Variants in NKAIN3 observed in about 807,000 individuals in gnomAD.
The protein encoded by NKAIN3 is sodium/potassium-transporting ATPase subunit beta-1-interacting protein 3.
Under a neutral mutation model 30.2 loss-of-function variants are expected in NKAIN3, and 25 were observed. The ratio of observed to expected loss-of-function variants is 0.83; its 90% CI spans 0.60 to 1.16. The LOEUF (loss-of-function observed/expected upper bound fraction) is 1.16. Among genes scored for constraint, NKAIN3 ranks in the 50% most tolerant of loss-of-function variants. The probability of loss-of-function intolerance (pLI) is 0.00; values close to 1 mark genes in which losing one functional copy is unlikely to be tolerated. For synonymous variants in NKAIN3, 91 were observed against 89.6 expected (o/e 1.02, Z -0.09); for missense variants, 225 against 254.1 (o/e 0.89, Z 0.78).
At chr8:62,294,192 C>T (rs567439298) in intron 1 of NKAIN3, among the ~76,000 whole-genome samples, 8 of 152,258 alleles carry the variant, frequency 5.3e-5, no homozygotes, top group East Asian at 1.9e-4. Flanking sequence ...CTGGGTGAAG[C>T]GTTGCTCTGC....
At chr8:62,360,434 A>T (rs1338464894) in intron 1 of NKAIN3, among the ~76,000 whole-genome samples, 1 of 152,238 alleles carries the variant, frequency 6.6e-6, no homozygotes, top group Non-Finnish European at 1.5e-5. Flanking sequence ...ACAAGCAAGG[A>T]TCTTCACTGT....
At chr8:62,661,585 T>A (rs2130361168) in intron 3 of NKAIN3, among the ~76,000 whole-genome samples, 1 of 152,236 alleles carries the variant, frequency 6.6e-6, no homozygotes, top group East Asian at 1.9e-4. Context: ...AGAGTTTCAC[T>A]CTAACAGACC....
Position 62,976,113 on chromosome 8 carries a change from G to A in NKAIN3, c.*10706G>A, listed in dbSNP as rs116670460. The stretch of plus-strand genomic sequence containing the variant: ...GTGTTTTACTTCCAGTTATGTGGTC[G>A]ATTTTAGGAAAATGTGCTATGTGAT... On this transcript the variant is annotated 3_prime_UTR_variant, in exon 7 of 7. Transcript: ENST00000623646. Among the ~76,000 whole-genome samples the A allele has an allele frequency of 3.7e-3, 564 of 152,188 alleles. 3 individuals carry two copies. Among genetic ancestry groups the A allele is most frequent in the African/African-American group, 0.013 (520 of 41,542 alleles).
At chr8:62,568,645 T>G (rs1020589107) in intron 1 of NKAIN3, among the ~76,000 whole-genome samples, 1 of 152,188 alleles carries the variant, frequency 6.6e-6, no homozygotes, top group Admixed American at 6.6e-5. Context: ...AAACTTTCCT[T>G]AAGATGTGAT....
chr8:62,659,126 T>C (rs1360059976), intron 3 of NKAIN3, among the ~76,000 whole-genome samples: 2 of 152,284 alleles, frequency 1.3e-5, no homozygotes, highest in African/African-American at 4.8e-5. Context: ...TATGCCAAGG[T>C]CACAAAGTTA....
chr8:62,433,390 A>G (rs1008524149), intron 1 of NKAIN3, among the ~76,000 whole-genome samples: 2 of 152,186 alleles, frequency 1.3e-5, no homozygotes, highest in African/African-American at 4.8e-5. Context: ...TACAGATATT[A>G]GTAAAATAAA....
intron 1 of NKAIN3, among the ~76,000 whole-genome samples, chr8:62,488,267 G>T (rs1196414021): frequency 1.3e-5 from 2 of 151,876 alleles, no homozygotes; most frequent in Non-Finnish European, 2.9e-5. Context: ...AACATCCCAG[G>T]CTCTGCTTTA....
chr8:62,800,106 G>T (rs555317733), intron 4 of NKAIN3, among the ~76,000 whole-genome samples: 26 of 152,254 alleles, frequency 1.7e-4, no homozygotes, highest in South Asian at 2.1e-4. Flanking sequence ...AGTGTATACT[G>T]TTTGGGTGAT....
At chr8:62,697,906 A>G (rs1009234632) in intron 3 of NKAIN3, among the ~76,000 whole-genome samples, 1 of 152,206 alleles carries the variant, frequency 6.6e-6, no homozygotes, top group African/African-American at 2.4e-5. Context: ...TTGAAAGACA[A>G]CTGAAAATAA....
At chr8:62,416,381 CA>C (rs1804445589) in intron 1 of NKAIN3, among the ~76,000 whole-genome samples, 1 of 152,096 alleles carries the variant, frequency 6.6e-6, no homozygotes, top group Non-Finnish European at 1.5e-5. Context: ...TATTCTCCTT[CA>C]AAAAAGTTTT....
chr8:62,262,321 C>T (rs1307960021), intron 1 of NKAIN3, among the ~76,000 whole-genome samples: 1 of 152,172 alleles, frequency 6.6e-6, no homozygotes, highest in Non-Finnish European at 1.5e-5. Context: ...AAGCTTTCTG[C>T]AGACCAAGTA....
chr8:62,618,732 C>A, intron 3 of NKAIN3, among the ~76,000 whole-genome samples: 1 of 152,040 alleles, frequency 6.6e-6, no homozygotes, highest in East Asian at 1.9e-4. Context: ...TTGGTGAAAA[C>A]CTGTCTCTCC....
chr8:62,477,038 G>A (rs2129600462), intron 1 of NKAIN3, among the ~76,000 whole-genome samples: 1 of 152,246 alleles, frequency 6.6e-6, no homozygotes, highest in Admixed American at 6.5e-5. Flanking sequence ...GAAGATACAG[G>A]AGCAATCAGA....
intron 3 of NKAIN3, among the ~76,000 whole-genome samples, chr8:62,743,190 T>C (rs1815962359): frequency 6.6e-6 from 1 of 152,204 alleles, no homozygotes; most frequent in South Asian, 2.1e-4. Context: ...GCTTCAACAA[T>C]AAAGTGATTT....
chr8:62,674,081 C>A (rs1813396437), intron 3 of NKAIN3, among the ~76,000 whole-genome samples: 1 of 152,234 alleles, frequency 6.6e-6, no homozygotes, highest in Admixed American at 6.5e-5. Flanking sequence ...TGAAGTTATG[C>A]AGCCAGGGCT....
At position 62,976,451 on chromosome 8, in the gene NKAIN3, T is replaced by C. The variant is rs892896322; in HGVS notation, c.*11044T>C. Among the ~76,000 whole-genome samples, 1 of 152,166 alleles carries C rather than the reference T, an allele frequency of 6.6e-6. No individual in the cohort carries two copies. The highest frequency in any genetic ancestry group is 2.1e-4 in the South Asian group (1 of 4,828). ...TACTATTATGTAATGGCCTTCTGTG[T>C]CTGTTTTGATTTTTGTTGGCTTAAA... On this transcript the variant is annotated 3_prime_UTR_variant, in exon 7 of 7. Coordinates refer to ENST00000623646, the MANE Select transcript of NKAIN3 (RefSeq NM_001304533.3).
At chr8:62,275,846 G>A (rs532480124) in intron 1 of NKAIN3, among the ~76,000 whole-genome samples, 534 of 152,112 alleles carry the variant, frequency 3.5e-3, no homozygotes, top group African/African-American at 0.012. Context: ...TTCTAAATTT[G>A]ATGCTTACCG....
At chr8:62,366,524 C>A (rs753359246) in intron 1 of NKAIN3, among the ~76,000 whole-genome samples, 4 of 152,168 alleles carry the variant, frequency 2.6e-5, no homozygotes, top group South Asian at 2.1e-4. Context: ...CTACGCCCAG[C>A]CGCTTCTTTC....
chr8:62,807,930 T>C (rs1358922450), intron 4 of NKAIN3, among the ~76,000 whole-genome samples: 1 of 151,830 alleles, frequency 6.6e-6, no homozygotes. Flanking sequence ...TGTTTTAGAA[T>C]GAATACTGGA....
Sources: gnomAD v4.1 joint callset for allele counts (sites outside exome capture counted in the v4.1 genomes callset) on GRCh38, gnomAD v4.1.1 for gene constraint, MANE v1.5 for transcripts, NCBI Gene and HGNC (gene_info 2026-07-23, HGNC 2026-07-21) for gene names.